LMF1: variants seen among roughly 807,000 people sequenced by gnomAD.
The protein encoded by LMF1 is lipase maturation factor 1.
LMF1 carries 68 observed loss-of-function variants against 60.6 expected under a neutral mutation model. The ratio of observed to expected loss-of-function variants is 1.12; its 90% CI spans 0.92 to 1.37. The LOEUF is 1.37. Ranked by LOEUF, LMF1 falls within the 40% of genes most tolerant of loss-of-function variation. The pLI is 0.00. For synonymous variants in LMF1, 418 were observed against 324.7 expected (o/e 1.29, Z -3.09); for missense variants, 948 against 767.2 (o/e 1.24, Z -2.78).
chr16:865,949 T>C (rs1340149048), intron 10 of LMF1, among the ~76,000 whole-genome samples: 1 of 152,224 alleles, frequency 6.6e-6, no homozygotes, highest in Admixed American at 6.5e-5. Flanking sequence ...TCAGTTATAT[T>C]TTTCACTTCT....
chr16:954,149 A>G (rs981770931), intron 2 of LMF1: 5 of 691,180 alleles, frequency 7.2e-6, no homozygotes, highest in Non-Finnish European at 1.3e-5. Context: ...AGCTACTGCA[A>G]AGAGGTGGGG....
At chr16:915,972 C>T (rs1036959665) in intron 3 of LMF1, among the ~76,000 whole-genome samples, 3 of 152,006 alleles carry the variant, frequency 2.0e-5, no homozygotes, top group Admixed American at 6.5e-5. Flanking sequence ...GGCAGAGGCT[C>T]GGAGGGTGCA....
At chr16:948,811 C>G (rs1267873185) in intron 2 of LMF1, among the ~76,000 whole-genome samples, 1 of 125,828 alleles carries the variant, frequency 7.9e-6, no homozygotes, top group Non-Finnish European at 1.6e-5. Context: ...AGTCAGCCAA[C>G]GACAGAGTCA....
At chr16:895,059 G>C (rs893073006) in intron 4 of LMF1, among the ~76,000 whole-genome samples, 2 of 152,176 alleles carry the variant, frequency 1.3e-5, no homozygotes, top group African/African-American at 4.8e-5. Context: ...AGGCCGCGGG[G>C]GGAGGCCCAG....
intron 1 of LMF1, among the ~76,000 whole-genome samples, chr16:966,169 AG>A (rs2072918431): frequency 6.6e-6 from 1 of 152,206 alleles, no homozygotes; most frequent in Non-Finnish European, 1.5e-5. Context: ...GACCACGGTC[AG>A]GAAGAGATGC....
At chr16:976,553 C>T (rs1400821908) in intron 1 of LMF1, 2 of 454,136 alleles carry the variant, frequency 4.4e-6, no homozygotes, top group Admixed American at 4.7e-5. Flanking sequence ...GGCCCCAGGG[C>T]TCCTGCCTAG....
chr16:867,743 G>GC (rs1219550486), intron 10 of LMF1, among the ~76,000 whole-genome samples: 4 of 152,148 alleles, frequency 2.6e-5, no homozygotes, highest in Admixed American at 6.5e-5. Context: ...CTGAGGCCGG[G>GC]CCCATGAGGA....
upstream of LMF1, among the ~76,000 whole-genome samples, chr16:974,059 T>C (rs1441950985): frequency 1.3e-5 from 2 of 151,284 alleles, no homozygotes; most frequent in African/African-American, 2.4e-5. Context: ...CAGACAGCCC[T>C]GCACTGGTGT....
chr16:916,630 C>T (rs1043206676), intron 3 of LMF1, among the ~76,000 whole-genome samples: 2 of 152,306 alleles, frequency 1.3e-5, no homozygotes, highest in African/African-American at 4.8e-5. Context: ...CACATGGCCC[C>T]GGGACACCAG....
At position 867,775 on chromosome 16, in the gene LMF1, C is replaced by T. The variant is rs545297040; in HGVS notation, c.1529+1169G>A. Reference sequence around the variant, plus strand: ...AGGAGGGACCCCATAGCCCCTCTGCCCCAGCTCCCTGTGATACCCGTGCTG... The same window carrying T: ...AGGAGGGACCCCATAGCCCCTCTGCTCCAGCTCCCTGTGATACCCGTGCTG... On this transcript the variant is annotated intron_variant, in intron 10 of 10. Coordinates refer to ENST00000262301, the MANE Select transcript of LMF1 (RefSeq NM_022773.4). Among the ~76,000 whole-genome samples, 4 of 152,304 alleles carry T rather than the reference C, an allele frequency of 2.6e-5. No individual in the cohort carries two copies. The South Asian group carries it at 8.3e-4, about 32-fold the overall frequency.
At chr16:936,636 C>T (rs576501601) in intron 2 of LMF1, among the ~76,000 whole-genome samples, 1 of 152,144 alleles carries the variant, frequency 6.6e-6, no homozygotes, top group South Asian at 2.1e-4. Context: ...CTGTGGGCTG[C>T]AGGATACACT....
intron 4 of LMF1, among the ~76,000 whole-genome samples, chr16:909,563 C>T (rs547168458): frequency 6.6e-5 from 10 of 152,334 alleles, no homozygotes; most frequent in East Asian, 3.9e-4. Flanking sequence ...CCATGCTACA[C>T]GCTACAGCAA....
rs967645238 is a variant in LMF1, at chr16:874,087, G to A, written c.898-2746C>T. 6.6e-6 allele frequency among the ~76,000 whole-genome samples: 1 copy of A among 152,226 alleles called. No individual in the cohort carries two copies. Among genetic ancestry groups the A allele is most frequent in the Admixed American group, 6.5e-5 (1 of 15,290 alleles). ...GCCGGGTGTGGGGGGGGTATGGGAA[G>A]TTCTGGAACCAGGCGGAGGCGGCGG... On this transcript the variant is annotated intron_variant, in intron 6 of 10. Transcript: ENST00000262301. This position sits in a 1 kb window ranked among gnomAD's most constrained non-coding sequence, Gnocchi z 4.1.
At chr16:869,308 C>T in intron 9 of LMF1, 1 of 675,736 alleles carries the variant, frequency 1.5e-6, no homozygotes, top group Non-Finnish European at 2.7e-6. Flanking sequence ...CTGTCCACCC[C>T]AGCACCCTCT....
chr16:887,597 C>T (rs2070347137), intron 5 of LMF1, among the ~76,000 whole-genome samples: 1 of 152,196 alleles, frequency 6.6e-6, no homozygotes, highest in Admixed American at 6.5e-5. Flanking sequence ...CCACCCACGC[C>T]TGGAGGCCCC....
In LMF1 at chr16:954,728, G is replaced by T; in HGVS notation, c.194-62C>A. ...AACAAACCACATGTGGACACCATGG[G>T]CGCAGCTCAGAATGCGGGGCGAGGC... On this transcript the variant is annotated intron_variant, in intron 1 of 10. Coordinates refer to ENST00000262301, the MANE Select transcript of LMF1 (RefSeq NM_022773.4). The T allele has an allele frequency of 4.7e-6, 7 of 1,478,330 alleles. No homozygotes were observed. The South Asian group carries it at 9.3e-5, about 20-fold the overall frequency. 91.6% of individuals were successfully genotyped at this position (1,478,330 alleles called of 1,614,324 possible). A position where few individuals can be genotyped will look rare whatever the true frequency, so the allele number is the denominator to read the frequency against.
intron 10 of LMF1, among the ~76,000 whole-genome samples, chr16:857,186 CT>C (rs2069211667): frequency 6.6e-6 from 1 of 152,234 alleles, no homozygotes; most frequent in East Asian, 1.9e-4. Context: ...CAGCTGAGCT[CT>C]TTGCAGTTTT....
At chr16:981,346 G>GAGAGAGAGAGAA (rs2073368400), upstream of LMF1, 14 of 221,962 alleles carry the variant, frequency 6.3e-5, no homozygotes, top group Non-Finnish European at 1.8e-5. Flanking sequence ...GAGAGAGAGA[G>GAGAGAGAGAGAA]AGTGTGTGTG....
intron 3 of LMF1, among the ~76,000 whole-genome samples, chr16:926,436 TGCTC>T (rs1314553313): frequency 1.1e-4 from 17 of 152,236 alleles, no homozygotes; most frequent in Non-Finnish European, 2.2e-4. Context: ...TGTCCATGTG[TGCTC>T]GTGTGTTTGC....
Sources: gnomAD v4.1 joint callset for allele counts (sites outside exome capture counted in the v4.1 genomes callset) on GRCh38, gnomAD v4.1.1 for gene constraint, Gnocchi (gnomAD v3.1) non-coding constraint, MANE v1.5 for transcripts, NCBI Gene and HGNC (gene_info 2026-07-23, HGNC 2026-07-21) for gene names.